The following TVP23C variants were observed in gnomAD, a reference collection of about 807,000 sequenced individuals.
TVP23C encodes Golgi apparatus membrane protein TVP23 homolog C.
In TVP23C, 19 loss-of-function variants were observed where a neutral mutation model predicts 28.7. The observed-to-expected ratio is 0.66, with a 90% CI of 0.46 to 0.97. The LOEUF (loss-of-function observed/expected upper bound fraction) is 0.97, where lower values mean the gene tolerates loss of function less well. Ranked by LOEUF, TVP23C falls within the 50% of genes least tolerant of loss-of-function variation. TVP23C has a pLI of 0.00. For missense variants in TVP23C, 186 were observed against 241.3 expected (o/e 0.77, Z 1.52); for synonymous variants, 68 against 81.7 (o/e 0.83, Z 0.90).
chr17:15,542,355 T>A (rs966643413), intron 5 of TVP23C, among the ~76,000 whole-genome samples: 1 of 152,182 alleles, frequency 6.6e-6, no homozygotes, highest in Non-Finnish European at 1.5e-5. Context: ...GGATCAATAA[T>A]CATGAGAGAT....
At chr17:15,555,830 CTT>C (rs1372240922) in intron 1 of TVP23C, among the ~76,000 whole-genome samples, 2 of 152,292 alleles carry the variant, frequency 1.3e-5, no homozygotes, top group East Asian at 3.9e-4. Flanking sequence ...CTCAGAATAA[CTT>C]CTTTTCATGC....
chr17:15,502,809 C>CCTCTCTCT lies in TVP23C; in HGVS notation c.*47_*54dup, dbSNP rs57432478. ...TCCCTCTCTCCTCTCTCCTCTCTCT[C>CCTCTCTCT]CTCTCTCTCTCTCTCTCTCTCTCCT... On this transcript the variant is annotated 3_prime_UTR_variant, in exon 6 of 6. Transcript: ENST00000225576. The CCTCTCTCT allele has an allele frequency of 1.2e-4, 175 of 1,415,718 alleles. No homozygotes were observed. The African/African-American group carries it at 2.3e-3, about 18-fold the overall frequency. The allele number at this position is 1,415,718 out of a possible 1,614,324, so 87.7% of individuals were successfully genotyped here. A position where few individuals can be genotyped will look rare whatever the true frequency, so the allele number is the denominator to read the frequency against.
intron 5 of TVP23C, among the ~76,000 whole-genome samples, chr17:15,525,939 G>C (rs557371497): frequency 2.0e-5 from 3 of 152,080 alleles, no homozygotes; most frequent in Admixed American, 2.0e-4. Flanking sequence ...TCCCTCACAC[G>C]GTCATTGCAA....
chr17:15,553,672 C>A lies in TVP23C; in HGVS notation c.240+13G>T, dbSNP rs1983995711. 6.3e-7 allele frequency: 1 copy of A among 1,582,458 alleles called. No homozygotes were observed. Among genetic ancestry groups the A allele is most frequent in the African/African-American group, 1.4e-5 (1 of 72,668 alleles). ...ATTAAATATAATTTTAAAATAAAAA[C>A]AATCAAAATTACCTTCACTGCCCAA... On this transcript the variant is annotated intron_variant, in intron 3 of 5. Transcript: ENST00000518321.
Position 15,523,778 on chromosome 17 carries a change from T to C in TVP23C, c.463-20546A>G, listed in dbSNP as rs549317715. Among the ~76,000 whole-genome samples the C allele has an allele frequency of 1.4e-3, 217 of 152,064 alleles. 2 individuals carry two copies. The highest frequency in any genetic ancestry group is 4.8e-3 in the African/African-American group (200 of 41,466). On this transcript the variant is annotated intron_variant, in intron 5 of 5. Transcript: ENST00000225576. ...ACAGGCGCCCGCCACCATGCCCGGC[T>C]AATTTTTTGTATTTTTAGTAGAGAC...
At chr17:15,508,289 G>A (rs1981854637) in intron 5 of TVP23C, among the ~76,000 whole-genome samples, 1 of 152,178 alleles carries the variant, frequency 6.6e-6, no homozygotes, top group African/African-American at 2.4e-5. Context: ...CACCCCACCT[G>A]CCCCTCATTG....
intron 1 of TVP23C, chr17:15,562,987 C>G (rs1437690747): frequency 5.5e-6 from 1 of 183,080 alleles, no homozygotes; most frequent in Non-Finnish European, 1.1e-5. Context: ...ACAATTAACT[C>G]TAAGAGCACA....
At chr17:15,546,090 C>A (rs1185320442) in intron 4 of TVP23C, among the ~76,000 whole-genome samples, 174 bp from the exon 5 acceptor site, 3 of 152,122 alleles carry the variant, frequency 2.0e-5, no homozygotes, top group African/African-American at 7.2e-5. Context: ...AGGAACTGAT[C>A]TATATTAACT....
downstream of TVP23C, among the ~76,000 whole-genome samples, chr17:15,535,920 G>A (rs1050455030): frequency 8.5e-5 from 13 of 152,154 alleles, no homozygotes; most frequent in African/African-American, 2.2e-4. Flanking sequence ...CGCCAGATAC[G>A]ATGGCTCACG....
At chr17:15,558,060 AC>A (rs1450024914) in intron 1 of TVP23C, among the ~76,000 whole-genome samples, 1 of 149,356 alleles carries the variant, frequency 6.7e-6, no homozygotes, top group Non-Finnish European at 1.5e-5. Flanking sequence ...AAACAAACAA[AC>A]AAAAAAAGGC....
chr17:15,518,304 C>A (rs965450932), intron 5 of TVP23C, among the ~76,000 whole-genome samples: 1 of 152,022 alleles, frequency 6.6e-6, no homozygotes, highest in Non-Finnish European at 1.5e-5. Context: ...TGATTGTGTC[C>A]CAAACTCTAC....
chr17:15,551,832 T>C (rs1230475456), intron 3 of TVP23C, among the ~76,000 whole-genome samples: 1 of 152,190 alleles, frequency 6.6e-6, no homozygotes, highest in Non-Finnish European at 1.5e-5. Context: ...AGTAAGTACA[T>C]TGAGATTTAT....
chr17:15,503,610 A>C (rs1489781623), intron 5 of TVP23C: 1 of 158,042 alleles, frequency 6.3e-6, no homozygotes, highest in African/African-American at 2.4e-5. Flanking sequence ...TAGAATGTCA[A>C]ATTCTTTGAA....
intron 5 of TVP23C, among the ~76,000 whole-genome samples, 168 bp from the exon 6 acceptor site, chr17:15,540,729 C>T (rs1983375772): frequency 6.6e-6 from 1 of 151,924 alleles, no homozygotes; most frequent in Non-Finnish European, 1.5e-5. Context: ...CCAGAACAGA[C>T]CCATCTGATA....
At chr17:15,512,481 C>G (rs963658526) in intron 5 of TVP23C, among the ~76,000 whole-genome samples, 13 of 152,244 alleles carry the variant, frequency 8.5e-5, no homozygotes, top group African/African-American at 3.1e-4. Flanking sequence ...ATACCAGTAA[C>G]TATGACAACA....
chr17:15,552,609 A>T (rs996910221), intron 3 of TVP23C, among the ~76,000 whole-genome samples: 3 of 151,808 alleles, frequency 2.0e-5, no homozygotes, highest in Non-Finnish European at 2.9e-5. Flanking sequence ...ACCTGAACCC[A>T]GGAGGCAGAG....
rs980324790 is a variant in TVP23C, at chr17:15,546,967, T to C, written c.330+92A>G. 4 of 1,166,068 alleles carry C rather than the reference T, an allele frequency of 3.4e-6. No homozygotes were observed. The African/African-American group carries it at 4.7e-5, about 14-fold the overall frequency. The allele number at this position is 1,166,068 out of a possible 1,614,324, so 72.2% of individuals were successfully genotyped here. ...ATGCCAAGTGATTTGGTATAGTGTT[T>C]TTAATTCTGAATACTTCATCTTCCA... On this transcript the variant is annotated intron_variant, in intron 4 of 5. Transcript: ENST00000518321.
At chr17:15,557,551 A>AC (rs1046051967) in intron 1 of TVP23C, among the ~76,000 whole-genome samples, 7 of 146,868 alleles carry the variant, frequency 4.8e-5, no homozygotes, top group African/African-American at 1.5e-4. Flanking sequence ...CGCCCACCTC[A>AC]CCCCCCCATA....
chr17:15,539,082 A>G lies in TVP23C; in HGVS notation c.*1330T>C. 1.0e-6 allele frequency: 1 copy of G among 983,078 alleles called. No homozygotes were observed. The highest frequency in any genetic ancestry group is 1.2e-6 in the Non-Finnish European group (1 of 827,786). 60.9% of individuals were successfully genotyped at this position (983,078 alleles called of 1,614,324 possible). On this transcript the variant is annotated 3_prime_UTR_variant, in exon 6 of 6. Transcript: ENST00000518321. ...TAATTTCTCGGGGCTTTAGTTATCTAAAATGTAATCCCTGGACCAGTGCCC... is the reference window on the plus strand; with the variant it reads ...TAATTTCTCGGGGCTTTAGTTATCTGAAATGTAATCCCTGGACCAGTGCCC...
Sources: gnomAD v4.1 joint callset for allele counts (sites outside exome capture counted in the v4.1 genomes callset) on GRCh38, gnomAD v4.1.1 for gene constraint, MANE v1.5 for transcripts, NCBI Gene and HGNC (gene_info 2026-07-23, HGNC 2026-07-21) for gene names.